The following RPS6KA5 variants were observed in gnomAD, a reference collection of about 807,000 sequenced individuals.
RPS6KA5 encodes ribosomal protein S6 kinase A5.
RPS6KA5 carries 27 observed loss-of-function variants against 85.5 expected under a neutral mutation model. That is an observed-to-expected ratio of 0.32 (90% CI 0.23 to 0.44). The LOEUF (loss-of-function observed/expected upper bound fraction) is 0.44, where lower values mean the gene tolerates loss of function less well. RPS6KA5 is among the 20% of genes least tolerant of loss of function. The pLI is 1.00. For synonymous variants in RPS6KA5, 334 were observed against 348.2 expected, an observed-to-expected ratio of 0.96 and a Z score of 0.46; for missense variants, 811 against 980.9, an observed-to-expected ratio of 0.83 and a Z score of 2.31.
intron 12 of RPS6KA5, among the ~76,000 whole-genome samples, chr14:90,894,993 G>C (rs755168271): frequency 1.3e-5 from 2 of 152,122 alleles, no homozygotes; most frequent in Non-Finnish European, 2.9e-5. Context: ...TCTTTCATTT[G>C]AATTCCACTC....
chr14:90,976,582 C>T (rs990556964), intron 3 of RPS6KA5, among the ~76,000 whole-genome samples: 2 of 152,152 alleles, frequency 1.3e-5, no homozygotes, highest in African/African-American at 4.8e-5. Flanking sequence ...TATTAGAATG[C>T]TCTGTCACCT....
At chr14:91,039,979 G>A (rs1044680055) in intron 1 of RPS6KA5, among the ~76,000 whole-genome samples, 11 of 152,200 alleles carry the variant, frequency 7.2e-5, no homozygotes, top group African/African-American at 2.4e-4. Flanking sequence ...AAATAAAGGA[G>A]GTATTAATAT....
chr14:91,054,757 C>T (rs1360779065), intron 1 of RPS6KA5, among the ~76,000 whole-genome samples: 2 of 151,782 alleles, frequency 1.3e-5, no homozygotes, highest in Admixed American at 6.6e-5. Context: ...TCGAGACCAG[C>T]CTGGGCAACA....
At chr14:91,035,591 A>T (rs968810107) in intron 1 of RPS6KA5, among the ~76,000 whole-genome samples, 8 of 152,088 alleles carry the variant, frequency 5.3e-5, no homozygotes, top group African/African-American at 1.9e-4. Context: ...GAAACACTGC[A>T]GTAAAGGGAA....
intron 1 of RPS6KA5, among the ~76,000 whole-genome samples, chr14:91,004,129 A>C (rs1400339157): frequency 6.6e-6 from 1 of 152,170 alleles, no homozygotes; most frequent in African/African-American, 2.4e-5. Flanking sequence ...TCTGTCGCCC[A>C]GGCTGGAGTG....
At chr14:90,914,549 A>G (rs556938358) in intron 7 of RPS6KA5, among the ~76,000 whole-genome samples, 123 of 152,166 alleles carry the variant, frequency 8.1e-4, no homozygotes, top group African/African-American at 2.8e-3. Context: ...TCTTGACTTC[A>G]GGTGATCCAC....
In RPS6KA5 at chr14:90,902,945, C is replaced by T. The variant is rs376247617; in HGVS notation, c.982G>A (p.Ala328Thr). The change falls in exon 9 of 17, where the codon GCC becomes ACC. Residue 328 changes from alanine to threonine, a missense_variant. Physicochemically the swap from Ala to Thr is moderately conservative, Grantham distance 58 (BLOSUM62 0). This residue lies in a region of RPS6KA5 where 650 missense variants were observed against 793.4 expected (regional missense o/e 0.82). Transcript: ENST00000614987. ...TTAAATGGTGCAGGCACTTTTTTGG[C>T]GGCTAAATCATCCCAATTTATTTTC... ...FQKINWDDLA[A>T]KKVPAPFKPV... The T allele has an allele frequency of 3.2e-5, 51 of 1,609,074 alleles. No individual in the cohort carries two copies. The highest frequency in any genetic ancestry group is 1.1e-4 in the African/African-American group (8 of 74,648).
intron 3 of RPS6KA5, among the ~76,000 whole-genome samples, chr14:90,971,698 G>C (rs1423902634): frequency 1.3e-5 from 2 of 152,212 alleles, no homozygotes; most frequent in Non-Finnish European, 2.9e-5. Context: ...GCCCCATCAA[G>C]AAGTCTACAG....
intron 2 of RPS6KA5, among the ~76,000 whole-genome samples, chr14:90,988,685 C>T (rs969091035): frequency 6.6e-6 from 1 of 152,012 alleles, no homozygotes; most frequent in African/African-American, 2.4e-5. Context: ...TGGTGGCGGG[C>T]GTCTGTAATC....
At chr14:90,941,092 T>C (rs2037547884) in intron 5 of RPS6KA5, among the ~76,000 whole-genome samples, 1 of 152,142 alleles carries the variant, frequency 6.6e-6, no homozygotes, top group Admixed American at 6.5e-5. Context: ...GGGGGAGTTT[T>C]ACACATTTAC....
intron 3 of RPS6KA5, among the ~76,000 whole-genome samples, chr14:90,966,967 C>T (rs2039093842): frequency 2.0e-5 from 3 of 152,142 alleles, no homozygotes; most frequent in African/African-American, 7.2e-5. Context: ...GATAAGTCTT[C>T]AGACTTATTC....
At chr14:91,024,060 AC>A (rs2041898347) in intron 1 of RPS6KA5, among the ~76,000 whole-genome samples, 1 of 152,148 alleles carries the variant, frequency 6.6e-6, no homozygotes, top group South Asian at 2.1e-4. Flanking sequence ...CATTTCAGCC[AC>A]TTTTTCTCTG....
At chr14:90,923,428 T>TCATC (rs3832953) in intron 5 of RPS6KA5, among the ~76,000 whole-genome samples, 16,967 of 150,876 alleles carry the variant, frequency 0.11, 1,122 homozygotes, top group South Asian at 0.24. Context: ...AATGGTACCA[T>TCATC]CATCCATCCA....
intron 3 of RPS6KA5, among the ~76,000 whole-genome samples, chr14:90,956,569 CT>C (rs1351191644): frequency 6.6e-6 from 1 of 151,882 alleles, no homozygotes; most frequent in Non-Finnish European, 1.5e-5. Context: ...TATCTCATAT[CT>C]TTTTTGTTCC....
intron 2 of RPS6KA5, among the ~76,000 whole-genome samples, chr14:91,000,550 C>A (rs995884448): frequency 2.2e-4 from 33 of 151,990 alleles, no homozygotes; most frequent in Non-Finnish European, 3.8e-4. Context: ...TAATCCCAGC[C>A]CTCTGGGAGG....
intron 1 of RPS6KA5, among the ~76,000 whole-genome samples, chr14:91,057,658 G>C (rs1201629814): frequency 6.6e-6 from 1 of 152,182 alleles, no homozygotes; most frequent in African/African-American, 2.4e-5. Flanking sequence ...ATGTGACATA[G>C]GCTAAACACT....
chr14:91,040,331 C>T (rs765950763), intron 1 of RPS6KA5, among the ~76,000 whole-genome samples: 1 of 152,174 alleles, frequency 6.6e-6, no homozygotes, highest in African/African-American at 2.4e-5. Flanking sequence ...TCGCTTGAAC[C>T]CGAGAGGTGG....
chr14:90,978,263 GAA>G, intron 3 of RPS6KA5, 41 bp downstream of exon 3: 1 of 1,453,556 alleles, frequency 6.9e-7, no homozygotes, highest in Non-Finnish European at 9.4e-7. Context: ...AAGACCCAAA[GAA>G]AAGTGTTTTC....
Position 90,931,455 on chromosome 14 carries a change from A to T in RPS6KA5, c.619-8259T>A, listed in dbSNP as rs546487188. ...TAGAGATCTGTTACATAACAAAATGAGTATTATTAAAGCTGCTGAACCATA... is the reference window on the plus strand; with the variant it reads ...TAGAGATCTGTTACATAACAAAATGTGTATTATTAAAGCTGCTGAACCATA... On this transcript the variant is annotated intron_variant, in intron 5 of 16. Transcript: ENST00000614987. Among the ~76,000 whole-genome samples, 7 of 152,278 alleles carry T rather than the reference A, an allele frequency of 4.6e-5. No individual in the cohort carries two copies. In the East Asian group the frequency reaches 1.4e-3, roughly 29 times the overall value.
Sources: gnomAD v4.1 joint callset for allele counts (sites outside exome capture counted in the v4.1 genomes callset) on GRCh38, gnomAD v4.1.1 for gene constraint, gnomAD v4.1.1 regional missense constraint, MANE v1.5 for transcripts, NCBI Gene and HGNC (gene_info 2026-07-23, HGNC 2026-07-21) for gene names.